Variants in AATF observed in about 807,000 individuals in gnomAD.
AATF encodes the protein apoptosis antagonizing transcription factor.
AATF carries 48 observed loss-of-function variants against 63.7 expected under a neutral mutation model. The ratio of observed to expected loss-of-function variants is 0.75; its 90% CI spans 0.60 to 0.96. The LOEUF is 0.96. Ranked by LOEUF, AATF falls within the 40% of genes least tolerant of loss-of-function variation. AATF has a pLI of 0.00. For synonymous variants in AATF, 258 were observed against 247.7 expected, an observed-to-expected ratio of 1.04 and a Z score of -0.39; for missense variants, 639 against 685.7, an observed-to-expected ratio of 0.93 and a Z score of 0.76.
At chr17:36,983,143 G>A (rs1034205241) in intron 4 of AATF, among the ~76,000 whole-genome samples, 1 of 152,018 alleles carries the variant, frequency 6.6e-6, no homozygotes, top group Non-Finnish European at 1.5e-5. Flanking sequence ...CTAGGCTTAA[G>A]GGATCCTCCC....
intron 8 of AATF, among the ~76,000 whole-genome samples, chr17:36,997,556 T>TA (rs1479962763): frequency 2.0e-5 from 3 of 152,032 alleles, no homozygotes; most frequent in Non-Finnish European, 2.9e-5. Flanking sequence ...ATGGCCATAA[T>TA]AAAAAAATCA....
At chr17:36,989,825 T>A (rs2071199520) in intron 7 of AATF, among the ~76,000 whole-genome samples, 1 of 152,198 alleles carries the variant, frequency 6.6e-6, no homozygotes, top group South Asian at 2.1e-4. Flanking sequence ...AGGAAACATT[T>A]AAAATTTTTT....
intron 11 of AATF, among the ~76,000 whole-genome samples, chr17:37,046,727 CCCAACACACACA>C (rs1221587775): frequency 4.0e-5 from 5 of 126,208 alleles, no homozygotes; most frequent in African/African-American, 1.4e-4. Flanking sequence ...CCTGTGCTCC[CCCAACACACACA>C]CACACACACA....
chr17:36,995,653 G>A (rs896591415), intron 8 of AATF, among the ~76,000 whole-genome samples: 1 of 151,710 alleles, frequency 6.6e-6, no homozygotes, highest in African/African-American at 2.4e-5. Flanking sequence ...CTGTGACCTC[G>A]ACCTCCTGGG....
intron 8 of AATF, among the ~76,000 whole-genome samples, chr17:36,995,441 A>G (rs2071247546): frequency 6.6e-6 from 1 of 152,224 alleles, no homozygotes. Context: ...TAATATGGAC[A>G]GGTGATGTGG....
chr17:37,017,254 A>C (rs2071435703), intron 8 of AATF, among the ~76,000 whole-genome samples: 1 of 152,198 alleles, frequency 6.6e-6, no homozygotes. Context: ...GGCTGGAACG[A>C]GGTAAGGGCA....
chr17:36,950,714 C>T lies in AATF; in HGVS notation c.283+309C>T, dbSNP rs145526747. ...GGGTTTGTCCATGTTGGTCAGGCAC[C>T]CCTATCTGTTATCTTAGGAGAGACC... On this transcript the variant is annotated intron_variant, in intron 2 of 11. Transcript: ENST00000619387. Among the ~76,000 whole-genome samples the T allele has an allele frequency of 5.9e-3, 896 of 152,142 alleles. 7 individuals carry two copies. Among genetic ancestry groups the T allele is most frequent in the South Asian group, 0.016 (79 of 4,800 alleles).
At chr17:37,054,533 A>G (rs945604193) in intron 11 of AATF, 6 of 152,200 alleles carry the variant, frequency 3.9e-5, no homozygotes, top group African/African-American at 1.2e-4. Flanking sequence ...TTTGCCATGA[A>G]CAGCTGCATA....
At chr17:36,982,828 G>C (rs907530297) in intron 4 of AATF, among the ~76,000 whole-genome samples, 15 of 152,042 alleles carry the variant, frequency 9.9e-5, no homozygotes, top group African/African-American at 3.6e-4. Context: ...CTGAAACTCT[G>C]TATCATTAAA....
chr17:36,997,509 C>T (rs8080229), intron 8 of AATF, among the ~76,000 whole-genome samples: 25 of 152,172 alleles, frequency 1.6e-4, no homozygotes, highest in African/African-American at 5.5e-4. Flanking sequence ...AAATGCAAAT[C>T]GAAAGCACAA....
intron 8 of AATF, among the ~76,000 whole-genome samples, chr17:36,994,575 G>A (rs1399405484): frequency 6.6e-6 from 1 of 152,174 alleles, no homozygotes; most frequent in Non-Finnish European, 1.5e-5. Flanking sequence ...TTTACAGTTG[G>A]CCTATTTCTT....
rs776171809 is a variant in AATF at position 36,953,903 on chromosome 17, A to G, written c.828A>G (p.Lys276=). Reference sequence around the variant, plus strand: ...GCCCAGAATTTTCCAGTGCCCTGAAAAATAGTAAGAATACTTATGTCCTGT... The same window carrying G: ...GCCCAGAATTTTCCAGTGCCCTGAAGAATAGTAAGAATACTTATGTCCTGT... ...KGGPEFSSAL[K]NSHKALKALL... Residue 276 remains lysine (K), a synonymous_variant, in exon 4 of 12, where the codon AAA becomes AAG. Coordinates refer to ENST00000619387, the MANE Select transcript of AATF (RefSeq NM_012138.4). The G allele has an allele frequency of 4.3e-6, 7 of 1,613,466 alleles. No homozygotes were observed. In the South Asian group the frequency reaches 7.7e-5, roughly 18 times the overall value.
chr17:36,975,773 A>G (rs894276042), intron 4 of AATF, among the ~76,000 whole-genome samples: 2 of 152,220 alleles, frequency 1.3e-5, no homozygotes, highest in Non-Finnish European at 2.9e-5. Context: ...TAAACTCATC[A>G]GTTGTGTACG....
At chr17:36,953,673 A>G (rs1279563561) in intron 3 of AATF, 97 bp from the exon 4 acceptor site, 2 of 1,155,818 alleles carry the variant, frequency 1.7e-6, no homozygotes, top group Admixed American at 4.5e-5. Context: ...TGTGGTGCTT[A>G]GAGACTGGTG....
intron 11 of AATF, among the ~76,000 whole-genome samples, chr17:37,032,252 T>C (rs1157916135): frequency 6.6e-6 from 1 of 152,240 alleles, no homozygotes; most frequent in African/African-American, 2.4e-5. Context: ...CTCTTCTCCC[T>C]CATTTATTTA....
chr17:36,998,882 A>G (rs2071274021), intron 8 of AATF: 2 of 152,238 alleles, frequency 1.3e-5, no homozygotes, highest in African/African-American at 2.4e-5. Flanking sequence ...AGGTGGAGAA[A>G]ATAAATGTTG....
intron 10 of AATF, among the ~76,000 whole-genome samples, chr17:37,029,081 GATCAC>G (rs1283982253): frequency 6.6e-6 from 1 of 152,058 alleles, no homozygotes; most frequent in Non-Finnish European, 1.5e-5. Flanking sequence ...AGTGAGCCAT[GATCAC>G]ACCACTGCAC....
chr17:37,026,557 G>A (rs909864048), intron 10 of AATF, among the ~76,000 whole-genome samples: 8 of 152,194 alleles, frequency 5.3e-5, no homozygotes, highest in African/African-American at 1.9e-4. Flanking sequence ...TTGAGACTTT[G>A]AACAAATTAC....
At chr17:37,009,849 A>C (rs1474465623) in intron 8 of AATF, among the ~76,000 whole-genome samples, 2 of 151,056 alleles carry the variant, frequency 1.3e-5, no homozygotes, top group Non-Finnish European at 3.0e-5. Context: ...AAAAAAAAAA[A>C]ACCATGCAGA....
Sources: gnomAD v4.1 joint callset for allele counts (sites outside exome capture counted in the v4.1 genomes callset) on GRCh38, gnomAD v4.1.1 for gene constraint, MANE v1.5 for transcripts, NCBI Gene and HGNC (gene_info 2026-07-23, HGNC 2026-07-21) for gene names.